Variants in IFT74 observed in about 807,000 individuals in gnomAD.
IFT74 encodes intraflagellar transport protein 74 homolog.
A neutral mutation model predicts 96.7 loss-of-function variants in IFT74; 92 were observed. The observed-to-expected ratio is 0.95, with a 90% confidence interval of 0.80 to 1.13. The LOEUF (loss-of-function observed/expected upper bound fraction) is 1.13. Among genes scored for constraint, IFT74 ranks in the 50% most tolerant of loss-of-function variants. The pLI is 0.00. For missense variants in IFT74, 811 were observed against 698.2 expected (o/e 1.16, Z -1.82); for synonymous variants, 223 against 213.2 (o/e 1.05, Z -0.40).
intron 2 of IFT74, among the ~76,000 whole-genome samples, chr9:26,963,733 GTTTT>G (rs1212586042): frequency 6.6e-6 from 1 of 152,192 alleles, no homozygotes; most frequent in East Asian, 1.9e-4. Flanking sequence ...TGTTTCATGT[GTTTT>G]TTGGCTGCAT....
chr9:26,983,776 C>CTTTTTTTT (rs964939421), intron 4 of IFT74: 12 of 109,918 alleles, frequency 1.1e-4, no homozygotes, highest in South Asian at 3.0e-4. Flanking sequence ...ATACCTCATT[C>CTTTTTTTT]TTTTTTTTTT....
intron 3 of IFT74, among the ~76,000 whole-genome samples, chr9:26,979,879 A>AT (rs1382428275): frequency 6.6e-6 from 1 of 151,244 alleles, no homozygotes; most frequent in African/African-American, 2.4e-5. Context: ...TGCCCAGCTA[A>AT]TTTTTTTGTA....
At chr9:26,962,294 G>C (rs1478048016) in intron 2 of IFT74, among the ~76,000 whole-genome samples, 1 of 152,080 alleles carries the variant, frequency 6.6e-6, no homozygotes, top group African/African-American at 2.4e-5. Context: ...ATTCTACTTT[G>C]TTGTTTCTTT....
intron 12 of IFT74, among the ~76,000 whole-genome samples, chr9:27,026,760 A>T (rs1829879042): frequency 6.6e-6 from 1 of 152,178 alleles, no homozygotes; most frequent in Non-Finnish European, 1.5e-5. Context: ...GAAATTTAAA[A>T]ATTCTTTGAA....
At chr9:27,036,555 T>G (rs1285610892) in intron 13 of IFT74, 2 of 1,607,804 alleles carry the variant, frequency 1.2e-6, no homozygotes, top group African/African-American at 2.7e-5. Context: ...CCATTTGAAC[T>G]GAAGAATACC....
intron 13 of IFT74, among the ~76,000 whole-genome samples, chr9:27,042,141 T>G (rs991424772): frequency 1.3e-5 from 2 of 152,126 alleles, no homozygotes; most frequent in African/African-American, 4.8e-5. Context: ...GTATACTGAG[T>G]TAGGATGTCC....
intron 8 of IFT74, chr9:27,005,656 A>C (rs1828738420): frequency 6.6e-6 from 1 of 152,004 alleles, no homozygotes; most frequent in Admixed American, 6.6e-5. Flanking sequence ...AACGGCATTA[A>C]AAAAAGTACA....
chr9:27,051,592 C>T (rs932506562), intron 16 of IFT74, among the ~76,000 whole-genome samples: 2 of 152,144 alleles, frequency 1.3e-5, no homozygotes, highest in Non-Finnish European at 2.9e-5. Flanking sequence ...TTCCCTATCC[C>T]CTGACCCCTG....
At chr9:27,038,619 G>A (rs1418301353) in intron 13 of IFT74, among the ~76,000 whole-genome samples, 2 of 152,168 alleles carry the variant, frequency 1.3e-5, no homozygotes, top group Admixed American at 6.5e-5. Flanking sequence ...GATGAGGAAT[G>A]CTTCTCTGAC....
At chr9:27,036,614 C>A in intron 13 of IFT74, 1 of 1,530,326 alleles carries the variant, frequency 6.5e-7, no homozygotes, top group Non-Finnish European at 8.7e-7. Context: ...CTCTCTAGCA[C>A]CCACTGTTTG....
At position 26,964,708 on chromosome 9, in the gene IFT74, C is replaced by T. The variant is rs534143673; in HGVS notation, c.120+2621C>T. 8.5e-5 allele frequency among the ~76,000 whole-genome samples: 13 copies of T among 152,106 alleles called. No homozygotes were observed. In the South Asian group the frequency reaches 2.3e-3, roughly 27 times the overall value. On this transcript the variant is annotated intron_variant, in intron 2 of 19. Coordinates refer to ENST00000380062, the MANE Select transcript of IFT74 (RefSeq NM_025103.4). Reference sequence around the variant, plus strand: ...AAATTTCATGACATTTCTTTTGATGCTAGGGGTAATATTATAAAACTATTC... The same window carrying T: ...AAATTTCATGACATTTCTTTTGATGTTAGGGGTAATATTATAAAACTATTC...
chr9:27,009,662 ACT>A (rs1356789554), intron 9 of IFT74, among the ~76,000 whole-genome samples: 4 of 150,922 alleles, frequency 2.7e-5, no homozygotes, highest in African/African-American at 9.7e-5. Flanking sequence ...ACAGAGCGAG[ACT>A]CTGTCTCAAA....
At chr9:27,036,681 G>T in intron 13 of IFT74, 1 of 1,292,618 alleles carries the variant, frequency 7.7e-7, no homozygotes, top group South Asian at 2.6e-5. Flanking sequence ...CTTTGCTTCT[G>T]TGAAAAAAAA....
rs1820579182 is a variant in IFT74, at chr9:27,065,486, G to A, written c.*2750G>A. Among the ~76,000 whole-genome samples, 1 of 152,202 alleles carries A rather than the reference G, an allele frequency of 6.6e-6. No homozygotes were observed. Among genetic ancestry groups the A allele is most frequent in the Admixed American group, 6.5e-5 (1 of 15,278 alleles). ...GTTTTACTAGTGAAGATCAACATGGGAAAGTTAGCAAGTCTTTGTTTTTCC... is the reference window on the plus strand; with the variant it reads ...GTTTTACTAGTGAAGATCAACATGGAAAAGTTAGCAAGTCTTTGTTTTTCC... On this transcript the variant is annotated 3_prime_UTR_variant, in exon 20 of 20. Transcript: ENST00000380062.
At chr9:26,954,243 AG>A (rs1434610515), upstream of IFT74, among the ~76,000 whole-genome samples, 3 of 152,228 alleles carry the variant, frequency 2.0e-5, no homozygotes, top group Non-Finnish European at 4.4e-5. Context: ...TAATGCACTG[AG>A]TTCCTACATG....
In IFT74 at chr9:27,045,389, A is replaced by G. The variant is rs143273014; in HGVS notation, c.1108+594A>G. Among the ~76,000 whole-genome samples, 336 of 152,262 alleles carry G rather than the reference A, an allele frequency of 2.2e-3. 2 individuals are homozygous for G. Among genetic ancestry groups the G allele is most frequent in the African/African-American group, 7.8e-3 (325 of 41,542 alleles). ...AAATGGTTGGGGACTGCTGCTATAG[A>G]TCATTTATTGATTGAATGTTCTCTT... On this transcript the variant is annotated intron_variant, in intron 14 of 19. Transcript: ENST00000380062.
At chr9:27,012,236 TTTTAGAGACAGAGTC>T (rs1829117790) in intron 10 of IFT74, among the ~76,000 whole-genome samples, 1 of 152,138 alleles carries the variant, frequency 6.6e-6, no homozygotes, top group South Asian at 2.1e-4. Context: ...AAAATTATTT[TTTTAGAGACAGAGTC>T]TTTCTTTGTC....
At chr9:26,965,427 A>C (rs199967467) in intron 2 of IFT74, among the ~76,000 whole-genome samples, 2 of 152,240 alleles carry the variant, frequency 1.3e-5, no homozygotes, top group East Asian at 1.9e-4. Context: ...TAAAGTTTTC[A>C]GATTTTTTTT....
At chr9:26,998,135 C>A (rs775016978) in intron 8 of IFT74, 1 of 1,610,330 alleles carries the variant, frequency 6.2e-7, no homozygotes, top group Non-Finnish European at 8.5e-7. Context: ...TGTGTCTGTA[C>A]CATTAAGAGT....
Sources: gnomAD v4.1 joint callset for allele counts (sites outside exome capture counted in the v4.1 genomes callset) on GRCh38, gnomAD v4.1.1 for gene constraint, MANE v1.5 for transcripts, NCBI Gene and HGNC (gene_info 2026-07-23, HGNC 2026-07-21) for gene names.